Variants in RERE observed in about 807,000 individuals in gnomAD.
RERE encodes the protein arginine-glutamic acid dipeptide repeats protein.
A neutral mutation model predicts 146.1 loss-of-function variants in RERE; 40 were observed. The ratio of observed to expected loss-of-function variants is 0.27; its 90% CI spans 0.21 to 0.36. The LOEUF (loss-of-function observed/expected upper bound fraction) is 0.36. RERE is among the 10% of genes least tolerant of loss of function. The pLI is 1.00. For missense variants in RERE, 1,933 were observed against 2,138.7 expected, an observed-to-expected ratio of 0.90 and a Z score of 1.90; for synonymous variants, 1,003 against 866.0, an observed-to-expected ratio of 1.16 and a Z score of -2.78.
In RERE at chr1:8,708,237, G is replaced by C. The variant is rs747930266; in HGVS notation, c.-144-51796C>G. ...CCGGTTGGAGATAACTGAATCATGG[G>C]GGCAGGTCTTTCCCATGCTGTTTTC... On this transcript the variant is annotated intron_variant, in intron 1 of 22. Coordinates refer to ENST00000400908, the MANE Select transcript of RERE (RefSeq NM_001042681.2). Among the ~76,000 whole-genome samples, 65 of 152,264 alleles carry C rather than the reference G, an allele frequency of 4.3e-4. No homozygotes were observed. The Middle Eastern group carries it at 0.01, about 24-fold the overall frequency.
Position 8,356,134 on chromosome 1 carries a change from T to G in RERE, c.4452A>C (p.Pro1484=). ...GGTGGCGAAGCATCTCGTGCTCGTG[T>G]GGGGGCTGTCCAAGCAGAGGGTTGG... ...TLPNPLLGQP[P]HEHEMLRHPV... The change falls in exon 21 of 23, where the codon CCA becomes CCC. Residue 1484 remains proline, a synonymous_variant. Coordinates refer to ENST00000400908, the MANE Select transcript of RERE (RefSeq NM_001042681.2). The surrounding 1 kb of genome is among the most constrained non-coding windows in gnomAD (Gnocchi z 5.2). 1 of 1,511,028 alleles carries G rather than the reference T, an allele frequency of 6.6e-7. No individual in the cohort carries two copies. The highest frequency in any genetic ancestry group is 8.8e-7 in the Non-Finnish European group (1 of 1,133,728). 93.6% of individuals were successfully genotyped at this position (1,511,028 alleles called of 1,614,324 possible).
chr1:8,400,967 A>G (rs538353403), intron 12 of RERE, among the ~76,000 whole-genome samples: 14 of 136,262 alleles, frequency 1.0e-4, no homozygotes, highest in Non-Finnish European at 2.0e-4. Context: ...GCAGTGAGCC[A>G]TGACTGCACC....
At chr1:8,581,944 ATAT>A (rs1646371308) in intron 4 of RERE, among the ~76,000 whole-genome samples, 1 of 152,048 alleles carries the variant, frequency 6.6e-6, no homozygotes, top group African/African-American at 2.4e-5. Flanking sequence ...CTTCTTAAAT[ATAT>A]TATTATTTAA....
At chr1:8,451,428 T>C (rs1189125941) in intron 11 of RERE, among the ~76,000 whole-genome samples, 6 of 119,504 alleles carry the variant, frequency 5.0e-5, no homozygotes, top group African/African-American at 1.8e-4. Flanking sequence ...CAAAATTCCA[T>C]CTCAAAAAAG....
intron 1 of RERE, among the ~76,000 whole-genome samples, chr1:8,718,476 A>G (rs1639802103): frequency 6.6e-6 from 1 of 152,242 alleles, no homozygotes; most frequent in Non-Finnish European, 1.5e-5. Flanking sequence ...GTGCAAGCCA[A>G]TGGATCACCA....
chr1:8,437,175 G>T (rs1644181372), intron 11 of RERE, among the ~76,000 whole-genome samples: 1 of 152,172 alleles, frequency 6.6e-6, no homozygotes, highest in Non-Finnish European at 1.5e-5. Context: ...GGAAACTGAA[G>T]ACCTCGACCA....
chr1:8,453,868 G>C (rs1352903857), intron 11 of RERE, among the ~76,000 whole-genome samples: 1 of 152,088 alleles, frequency 6.6e-6, no homozygotes, highest in East Asian at 1.9e-4. Flanking sequence ...GGATAACCAA[G>C]CTTACTTAGC....
chr1:8,518,442 CTTA>C (rs1209231890), intron 7 of RERE, among the ~76,000 whole-genome samples: 2 of 152,194 alleles, frequency 1.3e-5, no homozygotes, highest in African/African-American at 4.8e-5. Context: ...AGCAGACATT[CTTA>C]TCTTTTCCAC....
chr1:8,730,227 T>C (rs1640052716), intron 1 of RERE, among the ~76,000 whole-genome samples: 2 of 152,216 alleles, frequency 1.3e-5, no homozygotes, highest in Admixed American at 6.5e-5. Flanking sequence ...TATATGTAGA[T>C]ACAAAAATAC....
chr1:8,495,163 C>A lies in RERE; in HGVS notation c.1005-1G>T. 1 of 1,611,994 alleles carries A rather than the reference C, an allele frequency of 6.2e-7. No homozygotes were observed. Among genetic ancestry groups the A allele is most frequent in the Non-Finnish European group, 8.5e-7 (1 of 1,178,166 alleles). Reference sequence around the variant, plus strand: ...CATTCCTGCAAATGCCGCCATGCTCCTTCAGAAGAAAAGGTTTTTCCTTTA... The same window carrying A: ...CATTCCTGCAAATGCCGCCATGCTCATTCAGAAGAAAAGGTTTTTCCTTTA... On this transcript the variant is annotated splice_acceptor_variant, in intron 9 of 22. Coordinates refer to ENST00000400908, the MANE Select transcript of RERE (RefSeq NM_001042681.2). LOFTEE classifies it high-confidence loss of function.
At chr1:8,409,460 T>C (rs1168187592) in intron 12 of RERE, among the ~76,000 whole-genome samples, 2 of 152,090 alleles carry the variant, frequency 1.3e-5, no homozygotes, top group Non-Finnish European at 2.9e-5. Flanking sequence ...GGGAGAGGAA[T>C]AGAAGCAGGG....
At chr1:8,374,599 G>A (rs1200840582) in intron 12 of RERE, among the ~76,000 whole-genome samples, 3 of 152,138 alleles carry the variant, frequency 2.0e-5, no homozygotes, top group Non-Finnish European at 4.4e-5. Context: ...CTCCCATGCT[G>A]CACACAGACC....
chr1:8,583,614 G>A (rs867060965), intron 4 of RERE, among the ~76,000 whole-genome samples: 1 of 151,858 alleles, frequency 6.6e-6, no homozygotes, highest in Admixed American at 6.6e-5. Context: ...GCTCCCTGCC[G>A]GCACAAGGAG....
chr1:8,552,840 G>A (rs1379131349), intron 6 of RERE, among the ~76,000 whole-genome samples: 18 of 151,782 alleles, frequency 1.2e-4, no homozygotes, highest in Admixed American at 9.8e-4. Context: ...AGGGAAGTGC[G>A]TCCACACACA....
At chr1:8,778,597 G>A (rs929960304) in intron 1 of RERE, among the ~76,000 whole-genome samples, 1 of 152,152 alleles carries the variant, frequency 6.6e-6, no homozygotes, top group Non-Finnish European at 1.5e-5. Flanking sequence ...AGCTCTTCGG[G>A]AAGCCGAGGC....
intron 1 of RERE, among the ~76,000 whole-genome samples, chr1:8,658,164 TTTTG>T (rs138074051): frequency 7.2e-5 from 11 of 152,324 alleles, no homozygotes; most frequent in African/African-American, 2.4e-4. Context: ...ATAATTTATC[TTTTG>T]TTTTTCTTAT....
At chr1:8,807,292 G>A (rs976313374) in intron 1 of RERE, among the ~76,000 whole-genome samples, 2 of 152,044 alleles carry the variant, frequency 1.3e-5, no homozygotes, top group Non-Finnish European at 2.9e-5. Context: ...GGTCTCAAGG[G>A]AGCCTCCTGC....
At chr1:8,501,106 C>G (rs373504570) in intron 8 of RERE, among the ~76,000 whole-genome samples, 2,251 of 111,156 alleles carry the variant, frequency 0.02, no homozygotes, top group East Asian at 0.087. Flanking sequence ...GCCCGGCCGC[C>G]CCTACTGGGA....
At position 8,354,746 on chromosome 1, in the gene RERE, G is replaced by A. The variant is rs2124350995; in HGVS notation, c.*341C>T. 1 of 275,124 alleles carries A rather than the reference G, an allele frequency of 3.6e-6. No homozygotes were observed. Among genetic ancestry groups the A allele is most frequent in the East Asian group, 7.9e-5 (1 of 12,634 alleles). The allele number at this position is 275,124 out of a possible 1,614,324, so 17.0% of individuals were successfully genotyped here. On this transcript the variant is annotated 3_prime_UTR_variant, in exon 23 of 23. Transcript: ENST00000400908. The stretch of plus-strand genomic sequence containing the variant: ...TCAGTGTGTCTGCACGCACAGTGAA[G>A]GGTGTGAACTGGATTCTAGCACCTA...
Sources: allele counts gnomAD v4.1 joint callset (sites outside exome capture counted in the v4.1 genomes callset), GRCh38; gene constraint gnomAD v4.1.1; non-coding constraint Gnocchi (gnomAD v3.1); transcripts MANE v1.5; gene names NCBI Gene and HGNC (gene_info 2026-07-23, HGNC 2026-07-21).